COL21A1: variants seen among roughly 807,000 people sequenced by gnomAD.
COL21A1 encodes collagen alpha-1(XXI) chain.
A neutral mutation model predicts 137.9 loss-of-function variants in COL21A1; 149 were observed. The ratio of observed to expected loss-of-function variants is 1.08; its 90% confidence interval spans 0.95 to 1.24. The LOEUF is 1.24. Ranked by LOEUF, COL21A1 falls within the 50% of genes most tolerant of loss-of-function variation. The probability of loss-of-function intolerance (pLI) is 0.00; values close to 1 mark genes in which losing one functional copy is unlikely to be tolerated. For missense variants in COL21A1, 1,167 were observed against 1,158.4 expected (o/e 1.01, Z -0.11); for synonymous variants, 456 against 391.5 (o/e 1.16, Z -1.95).
chr6:56,274,337 A>C (rs9357901), intron 1 of COL21A1, among the ~76,000 whole-genome samples: 35,260 of 152,070 alleles, frequency 0.23, 4,459 homozygotes, highest in Non-Finnish European at 0.29. Flanking sequence ...CACCACTCCT[A>C]TTCAACATAG....
chr6:56,239,443 C>T (rs1249235430), intron 1 of COL21A1, among the ~76,000 whole-genome samples: 1 of 152,094 alleles, frequency 6.6e-6, no homozygotes, highest in African/African-American at 2.4e-5. Flanking sequence ...AAAACGTCTA[C>T]CATCTCACAA....
intron 10 of COL21A1, among the ~76,000 whole-genome samples, chr6:56,151,947 G>A (rs553229788): frequency 5.1e-4 from 77 of 152,162 alleles, no homozygotes; most frequent in Admixed American, 1.1e-3. Flanking sequence ...GAGACACTGC[G>A]GGGAGGGGCT....
intron 1 of COL21A1, among the ~76,000 whole-genome samples, chr6:56,214,647 C>CT (rs947260587): frequency 8.1e-5 from 12 of 147,724 alleles, no homozygotes; most frequent in Admixed American, 1.4e-4. Flanking sequence ...CAAGGCCCCC[C>CT]TTTTTTTTTT....
chr6:56,181,897 T>G (rs1388235038), intron 2 of COL21A1, among the ~76,000 whole-genome samples: 1 of 152,150 alleles, frequency 6.6e-6, no homozygotes, highest in Non-Finnish European at 1.5e-5. Flanking sequence ...ACTATAGAAG[T>G]GTTAAGCAAG....
intron 16 of COL21A1, among the ~76,000 whole-genome samples, chr6:56,105,944 T>G (rs758061645): frequency 6.6e-6 from 1 of 152,312 alleles, no homozygotes; most frequent in South Asian, 2.1e-4. Flanking sequence ...GCATCCACCA[T>G]ACTGGTTTAT....
At chr6:56,139,145 G>A (rs1774215440) in intron 12 of COL21A1, among the ~76,000 whole-genome samples, 1 of 152,068 alleles carries the variant, frequency 6.6e-6, no homozygotes, top group Non-Finnish European at 1.5e-5. Flanking sequence ...ACAGAGAGAG[G>A]AAGGATAAAG....
chr6:56,255,663 A>T (rs1190425663), intron 1 of COL21A1, among the ~76,000 whole-genome samples: 1 of 152,202 alleles, frequency 6.6e-6, no homozygotes, highest in Admixed American at 6.5e-5. Flanking sequence ...ACTTACAAGG[A>T]TGCCAAGTTA....
chr6:56,347,490 G>A (rs6941982), intron 1 of COL21A1, among the ~76,000 whole-genome samples: 4,571 of 142,516 alleles, frequency 0.032, 113 homozygotes, highest in Non-Finnish European at 0.049. Context: ...CTATTGGGCT[G>A]CACATTAGAA....
intron 12 of COL21A1, among the ~76,000 whole-genome samples, chr6:56,132,557 A>T (rs1191610933): frequency 6.6e-6 from 1 of 152,212 alleles, no homozygotes; most frequent in Non-Finnish European, 1.5e-5. Flanking sequence ...CCCAAATGAA[A>T]GTGGAAATTT....
At chr6:56,255,681 A>G (rs1484099372) in intron 1 of COL21A1, among the ~76,000 whole-genome samples, 2 of 152,236 alleles carry the variant, frequency 1.3e-5, no homozygotes, top group Non-Finnish European at 2.9e-5. Flanking sequence ...TTATTAAAAC[A>G]GAGCAGTCCC....
Position 56,141,977 on chromosome 6 carries a change from G to A in COL21A1, c.1441C>T (p.Gln481Ter), listed in dbSNP as rs756058304. Residue 481 changes from glutamine to a stop codon, truncating the protein, a stop_gained, in exon 11 of 30, where the codon CAG becomes TAG. Coordinates refer to ENST00000244728, the MANE Select transcript of COL21A1 (RefSeq NM_030820.4). LOFTEE classifies it high-confidence loss of function. Reference protein sequence around the residue: ...QPGQDGKPGYQGIAGTPGVPG... With the variant: ...QPGQDGKPGY The stretch of plus-strand genomic sequence containing the variant: ...ACACCTGGTGTCCCTGCAATTCCCT[G>A]ATATCCCTAAAGAAAAATTTAAAAA... 1.3e-6 allele frequency: 2 copies of A among 1,525,894 alleles called. No individual in the cohort carries two copies. The highest frequency in any genetic ancestry group is 2.5e-5 in the South Asian group (2 of 79,814). 94.5% of individuals were successfully genotyped at this position (1,525,894 alleles called of 1,614,324 possible).
At chr6:56,063,218 T>A (rs1765960504) in intron 24 of COL21A1, among the ~76,000 whole-genome samples, 1 of 152,112 alleles carries the variant, frequency 6.6e-6, no homozygotes, top group African/African-American at 2.4e-5. Flanking sequence ...AGTGAAAAAG[T>A]TAGTGGAAAC....
chr6:56,148,678 A>C (rs1775041338), intron 10 of COL21A1, among the ~76,000 whole-genome samples: 1 of 151,782 alleles, frequency 6.6e-6, no homozygotes, highest in African/African-American at 2.4e-5. Flanking sequence ...AAATAAGCTT[A>C]TCTCATAGGC....
intron 3 of COL21A1, among the ~76,000 whole-genome samples, chr6:56,176,848 G>T (rs1777508214): frequency 7.1e-6 from 1 of 140,468 alleles, no homozygotes. Context: ...TGAAGAAGAA[G>T]AATGAAGGGA....
chr6:56,180,036 A>G lies in COL21A1; in HGVS notation c.182T>C (p.Val61Ala), dbSNP rs1777781578. The change falls in exon 3 of 30, where the codon GTC becomes GCC. Residue 61 changes from valine to alanine, a missense_variant. Physicochemically the swap from Val to Ala is moderately conservative, Grantham distance 64. Coordinates refer to ENST00000244728, the MANE Select transcript of COL21A1 (RefSeq NM_030820.4). ...TATGTCAAAGTTTTTTGTGATATTG[A>G]CAAGCCACTTTTTCACTATTTCAAA... ...ENFEIVKKWL[V>A]NITKNFDIGP... 1.2e-6 allele frequency: 2 copies of G among 1,613,790 alleles called. No homozygotes were observed. The highest frequency in any genetic ancestry group is 2.2e-5 in the South Asian group (2 of 91,068).
chr6:56,267,770 A>AAG (rs1562032065), intron 1 of COL21A1, among the ~76,000 whole-genome samples: 4 of 125,848 alleles, frequency 3.2e-5, no homozygotes, highest in Admixed American at 9.7e-5. Context: ...AAAAAAAAAA[A>AAG]AAGAAGAAGA....
chr6:56,332,517 G>T (rs1765251016), intron 1 of COL21A1, among the ~76,000 whole-genome samples: 2 of 149,948 alleles, frequency 1.3e-5, no homozygotes, highest in Admixed American at 1.3e-4. Context: ...TCTTTGAATA[G>T]ATTACTATGG....
Position 56,061,821 on chromosome 6 carries a change from A to C in COL21A1, c.2173-140T>G, listed in dbSNP as rs1048820039. 1.1e-5 allele frequency: 6 copies of C among 533,920 alleles called. No individual in the cohort carries two copies. The Admixed American group carries it at 1.3e-4, about 12-fold the overall frequency. The allele number at this position is 533,920 out of a possible 1,614,324, so 33.1% of individuals were successfully genotyped here. On this transcript the variant is annotated intron_variant, in intron 24 of 29. Coordinates refer to ENST00000244728, the MANE Select transcript of COL21A1 (RefSeq NM_030820.4). Reference sequence around the variant, plus strand: ...GATAGCATTAGTGACAGAATTACAGACCCTTTTTGCCTTTTAGAGAAGGCT... The same window carrying C: ...GATAGCATTAGTGACAGAATTACAGCCCCTTTTTGCCTTTTAGAGAAGGCT...
At chr6:56,297,177 G>T (rs1764181841) in intron 1 of COL21A1, among the ~76,000 whole-genome samples, 1 of 152,030 alleles carries the variant, frequency 6.6e-6, no homozygotes, top group Non-Finnish European at 1.5e-5. Context: ...TATTTCAATA[G>T]AAGAAAGACT....
Sources: gnomAD v4.1 joint callset for allele counts (sites outside exome capture counted in the v4.1 genomes callset) on GRCh38, gnomAD v4.1.1 for gene constraint, MANE v1.5 for transcripts, NCBI Gene and HGNC (gene_info 2026-07-23, HGNC 2026-07-21) for gene names.